Variants in PLB1 observed in about 807,000 individuals in gnomAD.
PLB1 encodes the protein phospholipase B1, membrane-associated.
PLB1 carries 242 observed loss-of-function variants against 227.4 expected under a neutral mutation model. The ratio of observed to expected loss-of-function variants is 1.06; its 90% confidence interval spans 0.96 to 1.18. The LOEUF (loss-of-function observed/expected upper bound fraction) is 1.18, where lower values mean the gene tolerates loss of function less well. Among genes scored for constraint, PLB1 ranks in the 50% most tolerant of loss-of-function variants. The probability of loss-of-function intolerance (pLI) is 0.00; values close to 1 mark genes in which losing one functional copy is unlikely to be tolerated. For missense variants in PLB1, 1,858 were observed against 1,816.3 expected, an observed-to-expected ratio of 1.02 and a Z score of -0.42; for synonymous variants, 757 against 682.2, an observed-to-expected ratio of 1.11 and a Z score of -1.71.
At chr2:28,574,417 C>A (rs1203619571) in intron 21 of PLB1, among the ~76,000 whole-genome samples, 1 of 125,838 alleles carries the variant, frequency 7.9e-6, no homozygotes, top group Non-Finnish European at 1.6e-5. Flanking sequence ...GGGTCTTGCT[C>A]TGTTGCCCAG....
rs776473402 is a variant in PLB1 at position 28,589,730 on chromosome 2, A to C, written c.1976A>C (p.Lys659Thr). The change falls in exon 28 of 58, where the codon AAG (lysine) becomes ACG (threonine). Residue 659 changes from lysine (K) to threonine (T), a missense_variant. Lys to Thr is a moderately conservative substitution (Grantham distance 78). Coordinates refer to ENST00000327757, the MANE Select transcript of PLB1 (RefSeq NM_153021.5). ...FAPDCFHFSS[K>T]SHSRAASALW... is the part of the protein sequence containing the mutation. Reference sequence around the variant, plus strand: ...CCTGACTGTTTCCACTTCAGCAGCAAGTCTCACTCCCGAGCAGCCAGTGCT... The same window carrying C: ...CCTGACTGTTTCCACTTCAGCAGCACGTCTCACTCCCGAGCAGCCAGTGCT... The C allele has an allele frequency of 6.8e-6, 11 of 1,613,982 alleles. No individual in the cohort carries two copies. The highest frequency in any genetic ancestry group is 8.5e-6 in the Non-Finnish European group (10 of 1,180,044).
At chr2:28,531,268 G>A (rs1425783099) in intron 8 of PLB1, among the ~76,000 whole-genome samples, 3 of 152,072 alleles carry the variant, frequency 2.0e-5, no homozygotes, top group Non-Finnish European at 4.4e-5. Context: ...TTATAAAACA[G>A]GGATGTTACT....
At chr2:28,594,103 G>A (rs752986764) in intron 33 of PLB1, 4 of 583,532 alleles carry the variant, frequency 6.9e-6, no homozygotes, top group African/African-American at 1.9e-5. Context: ...GTGTTCCTAC[G>A]TCTCTGTTTA....
At chr2:28,635,789 T>C (rs912131691) in intron 56 of PLB1, among the ~76,000 whole-genome samples, 1 of 152,222 alleles carries the variant, frequency 6.6e-6, no homozygotes, top group South Asian at 2.1e-4. Flanking sequence ...GAAGTTTCTC[T>C]TTCCCGAGGC....
rs565763754 is a variant in PLB1, at chr2:28,613,873, G to A, written c.3130-158G>A. On this transcript the variant is annotated intron_variant, in intron 43 of 57. Transcript: ENST00000327757. ...CCAAAGCTGTTATGTAAAACCCTCC[G>A]GGGGAATGAATGAAATTATGTTTAT... Among the ~76,000 whole-genome samples, 5 of 152,258 alleles carry A rather than the reference G, an allele frequency of 3.3e-5. No individual in the cohort carries two copies. The South Asian group carries it at 6.2e-4, about 19-fold the overall frequency.
intron 9 of PLB1, among the ~76,000 whole-genome samples, chr2:28,536,064 C>T (rs1172902804): frequency 1.6e-4 from 24 of 152,300 alleles, no homozygotes; most frequent in Non-Finnish European, 8.8e-5. Flanking sequence ...AAAGTTCACA[C>T]GAGAAAAACA....
At chr2:28,623,258 G>T (rs1321630708) in intron 49 of PLB1, among the ~76,000 whole-genome samples, 1 of 152,190 alleles carries the variant, frequency 6.6e-6, no homozygotes, top group Non-Finnish European at 1.5e-5. Context: ...GGTCCCTGGG[G>T]TAAAAAAGGA....
chr2:28,527,078 T>C (rs1187492028), intron 6 of PLB1, among the ~76,000 whole-genome samples: 1 of 152,108 alleles, frequency 6.6e-6, no homozygotes, highest in Non-Finnish European at 1.5e-5. Context: ...CTTGAAGTGG[T>C]AGGAAAAAAG....
chr2:28,526,370 A>T (rs957751386), intron 6 of PLB1, among the ~76,000 whole-genome samples: 5 of 152,134 alleles, frequency 3.3e-5, no homozygotes, highest in African/African-American at 1.2e-4. Context: ...TTATCCTGTA[A>T]TATTGCCCTT....
intron 20 of PLB1, among the ~76,000 whole-genome samples, chr2:28,567,185 A>G (rs1468834927): frequency 2.0e-5 from 3 of 152,088 alleles, no homozygotes; most frequent in African/African-American, 4.8e-5. Context: ...ATGAGATTAG[A>G]GAGAATAAAG....
intron 21 of PLB1, among the ~76,000 whole-genome samples, 177 bp downstream of exon 21, chr2:28,573,482 C>G (rs1678370364): frequency 6.6e-6 from 1 of 152,200 alleles, no homozygotes; most frequent in East Asian, 1.9e-4. Context: ...TGAGCCTACC[C>G]TAACACCCAC....
At chr2:28,618,596 C>T (rs1686536043) in intron 46 of PLB1, 197 bp downstream of exon 46, 6 of 585,892 alleles carry the variant, frequency 1.0e-5, no homozygotes, top group African/African-American at 1.9e-5. Flanking sequence ...CTGCTCAAAG[C>T]CCCCTCGTCC....
In PLB1 at chr2:28,616,454, C is replaced by A. The variant is rs375076709; in HGVS notation, c.3196-1273C>A. Among the ~76,000 whole-genome samples, 7 of 152,308 alleles carry A rather than the reference C, an allele frequency of 4.6e-5. No individual in the cohort carries two copies. The East Asian group carries it at 9.6e-4, about 21-fold the overall frequency. On this transcript the variant is annotated intron_variant, in intron 44 of 57. Coordinates refer to ENST00000327757, the MANE Select transcript of PLB1 (RefSeq NM_153021.5). ...AGAAATGCAGAGTCCTGGGCACCACCCCAAACCTGCTGAATCAGAATCTGC... is the reference window on the plus strand; with the variant it reads ...AGAAATGCAGAGTCCTGGGCACCACACCAAACCTGCTGAATCAGAATCTGC...
chr2:28,518,715 C>T (rs2148177764), intron 3 of PLB1, among the ~76,000 whole-genome samples, 183 bp downstream of exon 3: 1 of 152,272 alleles, frequency 6.6e-6, no homozygotes, highest in Middle Eastern at 3.4e-3. Flanking sequence ...CAGTGGCTTG[C>T]TTGGATGAGG....
chr2:28,578,457 A>G (rs1679367582), intron 22 of PLB1, among the ~76,000 whole-genome samples: 1 of 152,060 alleles, frequency 6.6e-6, no homozygotes. Context: ...ATTATAAAAC[A>G]GTTGCCACGT....
chr2:28,532,499 A>G (rs547704739), intron 9 of PLB1, among the ~76,000 whole-genome samples: 212 of 152,358 alleles, frequency 1.4e-3, no homozygotes, highest in African/African-American at 4.9e-3. Context: ...TGTACAGTTC[A>G]GTGACATTAG....
chr2:28,642,031 T>C (rs1558986248), intron 57 of PLB1, among the ~76,000 whole-genome samples: 1 of 152,196 alleles, frequency 6.6e-6, no homozygotes, highest in Non-Finnish European at 1.5e-5. Flanking sequence ...CATCTGTTCC[T>C]GGAGGTTCAT....
At chr2:28,567,558 C>T (rs1252735846) in intron 20 of PLB1, among the ~76,000 whole-genome samples, 10 of 142,004 alleles carry the variant, frequency 7.0e-5, no homozygotes, top group African/African-American at 2.4e-4. Flanking sequence ...ATTGCAACCT[C>T]CGCCTCCCTG....
At chr2:28,544,686 G>C (rs1407515497) in intron 14 of PLB1, among the ~76,000 whole-genome samples, 1 of 152,188 alleles carries the variant, frequency 6.6e-6, no homozygotes, top group Admixed American at 6.5e-5. Flanking sequence ...CAATGAGGCC[G>C]GGAGAGCCCA....
Sources: gnomAD v4.1 joint callset for allele counts (sites outside exome capture counted in the v4.1 genomes callset) on GRCh38, gnomAD v4.1.1 for gene constraint, MANE v1.5 for transcripts, NCBI Gene and HGNC (gene_info 2026-07-23, HGNC 2026-07-21) for gene names.